NQO2: variants seen among roughly 807,000 people sequenced by gnomAD.
NQO2 encodes N-ribosyldihydronicotinamide:quinone dehydrogenase 2, also known as ribosyldihydronicotinamide dehydrogenase [quinone].
NQO2 carries 18 observed loss-of-function variants against 22.0 expected under a neutral mutation model. The observed-to-expected ratio is 0.82, with a 90% CI of 0.56 to 1.21. The LOEUF is 1.21. Ranked by LOEUF, NQO2 falls within the 50% of genes most tolerant of loss-of-function variation. The probability of loss-of-function intolerance (pLI) is 0.00; values close to 1 mark genes in which losing one functional copy is unlikely to be tolerated. For synonymous variants in NQO2, 106 were observed against 110.8 expected (o/e 0.96, Z 0.28); for missense variants, 267 against 286.9 (o/e 0.93, Z 0.50).
intron 1 of NQO2, among the ~76,000 whole-genome samples, chr6:3,001,896 T>C (rs1033355265): frequency 1.3e-5 from 2 of 151,924 alleles, no homozygotes; most frequent in Non-Finnish European, 2.9e-5. Flanking sequence ...GTGCCTGGGG[T>C]CAAGTGAACA....
At chr6:3,009,305 C>T (rs1581325678) in intron 2 of NQO2, among the ~76,000 whole-genome samples, 1 of 152,258 alleles carries the variant, frequency 6.6e-6, no homozygotes, top group South Asian at 2.1e-4. Flanking sequence ...TTCCGCCTGG[C>T]TCACCGGCAG....
chr6:3,017,096 C>G, intron 6 of NQO2, 111 bp downstream of exon 6: 1 of 1,290,704 alleles, frequency 7.7e-7, no homozygotes, highest in East Asian at 2.5e-5. Context: ...CCTCAGCTCC[C>G]CGAGGGGTGA....
At chr6:3,012,718 T>G in intron 4 of NQO2, 44 bp downstream of exon 4, 1 of 1,579,474 alleles carries the variant, frequency 6.3e-7, no homozygotes, top group Non-Finnish European at 8.6e-7. Context: ...ATTCATCTTA[T>G]GTACAAACTC....
intron 1 of NQO2, chr6:3,005,654 G>A: frequency 2.0e-6 from 2 of 985,368 alleles, no homozygotes; most frequent in Non-Finnish European, 2.4e-6. Context: ...GTTTGTTGGA[G>A]TCTCCTTGTA....
At chr6:3,000,250 G>C (rs924042564) in intron 1 of NQO2, 165 bp downstream of exon 1, 4 of 152,320 alleles carry the variant, frequency 2.6e-5, no homozygotes, top group Non-Finnish European at 5.9e-5. Flanking sequence ...TGGCTCTCAC[G>C]GAACGCGCCC....
intron 1 of NQO2, among the ~76,000 whole-genome samples, chr6:3,001,547 C>G (rs995610172): frequency 1.3e-5 from 2 of 152,082 alleles, no homozygotes; most frequent in African/African-American, 4.8e-5. Flanking sequence ...ATGGAAATAA[C>G]CTAAGGTCCC....
rs1225854022 is a variant in NQO2, at chr6:3,015,726, G to C, written c.417+83G>C. On this transcript the variant is annotated intron_variant, in intron 5 of 6. Transcript: ENST00000380455. ...CGTCTTCTATCAAGTTATATTTCTA[G>C]TTTCCTTCCTTTTCTTAGCAAATAT... is the stretch of plus-strand genomic sequence containing the variant. 5.2e-6 allele frequency: 7 copies of C among 1,339,418 alleles called. No individual in the cohort carries two copies. In the African/African-American group the frequency reaches 1.0e-4, roughly 20 times the overall value. 83.0% of individuals were successfully genotyped at this position (1,339,418 alleles called of 1,614,324 possible).
In NQO2 at chr6:3,015,550, C is replaced by T. The variant is rs140368359; in HGVS notation, c.324C>T (p.Ser108=). The T allele has an allele frequency of 1.9e-5, 31 of 1,614,116 alleles. No homozygotes were observed. The highest frequency in any genetic ancestry group is 1.8e-4 in the South Asian group (16 of 91,090). The change falls in exon 5 of 7, where the codon AGC becomes AGT. Residue 108 remains serine (S), a synonymous_variant. Coordinates refer to ENST00000380455, the MANE Select transcript of NQO2 (RefSeq NM_000904.6). ...VIFQFPLYWF[S]VPAILKGWMD... ...CACAGTTCCCGCTGTACTGGTTCAG[C>T]GTGCCAGCCATCCTGAAGGGCTGGA... is the stretch of plus-strand genomic sequence containing the variant.
chr6:3,012,493 G>C (rs889684703), intron 3 of NQO2, 51 bp from the exon 4 acceptor site: 1 of 1,487,546 alleles, frequency 6.7e-7, no homozygotes, highest in Non-Finnish European at 8.9e-7. Context: ...GGTTGGGATG[G>C]GCTGTGGATG....
rs566823060 is a variant in NQO2, at chr6:3,005,825, T to C, written c.-85-643T>C. ...TCTTCTGGGCCATGCTGTGACTTTG[T>C]TGATGAGGAGGTTGAGGCACAGAGG... is the stretch of plus-strand genomic sequence containing the variant. On this transcript the variant is annotated intron_variant, in intron 1 of 6. Coordinates refer to ENST00000380455, the MANE Select transcript of NQO2 (RefSeq NM_000904.6). 311 of 985,266 alleles carry C rather than the reference T, an allele frequency of 3.2e-4. 1 individual carries two copies. The African/African-American group carries it at 5.1e-3, about 16-fold the overall frequency. The allele number at this position is 985,266 out of a possible 1,614,324, so 61.0% of individuals were successfully genotyped here.
intron 1 of NQO2, chr6:3,002,209 A>G: frequency 1.0e-6 from 1 of 985,428 alleles, no homozygotes; most frequent in Middle Eastern, 5.2e-4. Context: ...TACAAACAAC[A>G]TGATTTCGGG....
intron 4 of NQO2, 166 bp from the exon 5 acceptor site, chr6:3,015,364 C>A (rs1757286713): frequency 1.0e-6 from 1 of 985,452 alleles, no homozygotes; most frequent in Non-Finnish European, 1.2e-6. Context: ...TCCCGTCTGA[C>A]ACCCACACTG....
At chr6:3,012,896 T>G (rs374365863) in intron 4 of NQO2, among the ~76,000 whole-genome samples, 1 of 151,006 alleles carries the variant, frequency 6.6e-6, no homozygotes, top group African/African-American at 2.4e-5. Flanking sequence ...GTTACAACAC[T>G]TCATCTAGTT....
At chr6:3,005,923 C>T (rs146928613) in intron 1 of NQO2, 89 of 515,388 alleles carry the variant, frequency 1.7e-4, no homozygotes, top group African/African-American at 1.6e-3. Context: ...CTGTCTGATG[C>T]GGGGGTCTCC....
chr6:3,013,816 A>G (rs1160083161), intron 4 of NQO2, among the ~76,000 whole-genome samples: 1 of 152,208 alleles, frequency 6.6e-6, no homozygotes, highest in African/African-American at 2.4e-5. Context: ...CTGTCCAACT[A>G]GAAGGAAAGG....
chr6:3,006,037 C>T lies in NQO2; in HGVS notation c.-85-431C>T, dbSNP rs1291089198. Among the ~76,000 whole-genome samples, 3 of 152,162 alleles carry T rather than the reference C, an allele frequency of 2.0e-5. No individual in the cohort carries two copies. Among genetic ancestry groups the T allele is most frequent in the Non-Finnish European group, 4.4e-5 (3 of 68,028 alleles). On this transcript the variant is annotated intron_variant, in intron 1 of 6. Transcript: ENST00000380455. This position sits in a 1 kb window ranked among gnomAD's most constrained non-coding sequence, Gnocchi z 4.0. ...ATTATTTTCAAGTGAGGGGAAGGGC[C>T]GACAACTGCCAGTGCTGGCCCACCA... is the stretch of plus-strand genomic sequence containing the variant.
At chr6:3,018,273 G>A (rs1451023350) in intron 6 of NQO2, among the ~76,000 whole-genome samples, 2 of 152,214 alleles carry the variant, frequency 1.3e-5, no homozygotes, top group African/African-American at 4.8e-5. Context: ...CTGGGAGGCT[G>A]AGGCAGTGGA....
intron 2 of NQO2, chr6:3,007,019 T>A (rs1756973207): frequency 2.5e-6 from 1 of 397,834 alleles, no homozygotes; most frequent in African/African-American, 2.1e-5. Flanking sequence ...CTCAACTTTT[T>A]AATTTCACCT....
intron 5 of NQO2, among the ~76,000 whole-genome samples, chr6:3,016,430 C>CAAAAAAAAAAAAAAAAAAAA (rs36118697): frequency 1.2e-4 from 10 of 85,696 alleles, no homozygotes; most frequent in African/African-American, 4.3e-4. Flanking sequence ...GACTCTGTCT[C>CAAAAAAAAAAAAAAAAAAAA]AAAAAAAAAA....
Sources: allele counts gnomAD v4.1 joint callset (sites outside exome capture counted in the v4.1 genomes callset), GRCh38; gene constraint gnomAD v4.1.1; non-coding constraint Gnocchi (gnomAD v3.1); transcripts MANE v1.5; gene names NCBI Gene and HGNC (gene_info 2026-07-23, HGNC 2026-07-21).